The following LRRC4C variants were observed in gnomAD, a reference collection of about 807,000 sequenced individuals.
LRRC4C encodes the protein leucine rich repeat containing 4C, also known as leucine-rich repeat-containing protein 4C.
Under a neutral mutation model 33.6 loss-of-function variants are expected in LRRC4C, and 5 were observed. The observed-to-expected ratio is 0.15, with a 90% confidence interval of 0.08 to 0.31. The LOEUF (loss-of-function observed/expected upper bound fraction) is 0.31, where lower values mean the gene tolerates loss of function less well. Ranked by LOEUF, LRRC4C falls within the 10% of genes least tolerant of loss-of-function variation. The pLI is 1.00. For synonymous variants in LRRC4C, 329 were observed against 302.0 expected (o/e 1.09, Z -0.93); for missense variants, 560 against 796.7 (o/e 0.70, Z 3.58).
chr11:41,246,238 C>T (rs191883229), intron 1 of LRRC4C, among the ~76,000 whole-genome samples: 3 of 152,264 alleles, frequency 2.0e-5, no homozygotes, highest in South Asian at 2.1e-4. Context: ...CCAGGCTCAT[C>T]GGCACCCAAA....
At chr11:40,533,649 C>T (rs1956359277) in intron 3 of LRRC4C, among the ~76,000 whole-genome samples, 1 of 152,100 alleles carries the variant, frequency 6.6e-6, no homozygotes, top group South Asian at 2.1e-4. Context: ...TCATAAGGCT[C>T]ACCCTCTATT....
At chr11:40,702,155 T>C (rs981417764) in intron 2 of LRRC4C, among the ~76,000 whole-genome samples, 10 of 152,206 alleles carry the variant, frequency 6.6e-5, no homozygotes, top group African/African-American at 2.4e-4. Context: ...TTGAAAGCTG[T>C]TGATGGTCAC....
intron 5 of LRRC4C, among the ~76,000 whole-genome samples, chr11:40,203,461 C>T (rs575241094): frequency 1.3e-4 from 20 of 152,106 alleles, no homozygotes; most frequent in African/African-American, 2.4e-4. Flanking sequence ...TGCAAAAAAC[C>T]GAGGGGATGT....
At chr11:40,633,647 C>T (rs1251109433) in intron 3 of LRRC4C, among the ~76,000 whole-genome samples, 1 of 151,998 alleles carries the variant, frequency 6.6e-6, no homozygotes, top group Non-Finnish European at 1.5e-5. Flanking sequence ...ACCTTGGCCT[C>T]CCAAAGTGCT....
At chr11:40,688,043 G>A (rs1218368682) in intron 2 of LRRC4C, among the ~76,000 whole-genome samples, 1 of 151,692 alleles carries the variant, frequency 6.6e-6, no homozygotes. Flanking sequence ...ATAATGCCTG[G>A]CAATGAATGG....
chr11:40,877,079 G>C (rs545174172), intron 2 of LRRC4C, among the ~76,000 whole-genome samples: 1 of 151,972 alleles, frequency 6.6e-6, no homozygotes, highest in East Asian at 2.0e-4. Context: ...GTACTTTAAC[G>C]AGGTTGATAA....
chr11:41,350,324 C>A (rs1472691148), intron 1 of LRRC4C, among the ~76,000 whole-genome samples: 2 of 152,166 alleles, frequency 1.3e-5, no homozygotes, highest in Non-Finnish European at 2.9e-5. Flanking sequence ...TCCTGGCCAA[C>A]TGGGTGAAAC....
intron 4 of LRRC4C, among the ~76,000 whole-genome samples, chr11:40,263,325 G>C (rs1942003970): frequency 6.6e-6 from 1 of 151,484 alleles, no homozygotes; most frequent in African/African-American, 2.4e-5. Flanking sequence ...AAATTGGTAG[G>C]TTTTTCTTTG....
At chr11:40,668,853 G>T in intron 2 of LRRC4C, among the ~76,000 whole-genome samples, 1 of 152,140 alleles carries the variant, frequency 6.6e-6, no homozygotes, top group East Asian at 1.9e-4. Context: ...TAGAAACCAT[G>T]GGGCTAGATG....
chr11:40,242,231 G>A (rs937293858), intron 4 of LRRC4C, among the ~76,000 whole-genome samples: 2 of 152,176 alleles, frequency 1.3e-5, no homozygotes, highest in Non-Finnish European at 2.9e-5. Flanking sequence ...TACACAAAGA[G>A]TTGGTATGCA....
At chr11:41,041,933 G>A (rs1857463674) in intron 1 of LRRC4C, among the ~76,000 whole-genome samples, 1 of 152,014 alleles carries the variant, frequency 6.6e-6, no homozygotes. Context: ...TGATTTGTTG[G>A]CCTTCTGCAG....
chr11:41,005,818 A>C (rs949675017), intron 1 of LRRC4C, among the ~76,000 whole-genome samples: 13 of 152,172 alleles, frequency 8.5e-5, no homozygotes, highest in Admixed American at 2.6e-4. Flanking sequence ...TAAATTGCCC[A>C]GTCTCAAGTA....
At chr11:41,175,854 T>C (rs1157091161) in intron 1 of LRRC4C, among the ~76,000 whole-genome samples, 1 of 152,156 alleles carries the variant, frequency 6.6e-6, no homozygotes, top group African/African-American at 2.4e-5. Context: ...ATACAGAACA[T>C]TCATCATCCT....
At chr11:40,513,975 C>T (rs1040058752) in intron 3 of LRRC4C, among the ~76,000 whole-genome samples, 4 of 152,188 alleles carry the variant, frequency 2.6e-5, no homozygotes, top group African/African-American at 9.6e-5. Context: ...TCTCAGTTCT[C>T]TCAGAGAATC....
intron 1 of LRRC4C, among the ~76,000 whole-genome samples, chr11:41,074,446 C>T (rs1445411986): frequency 1.3e-5 from 2 of 152,154 alleles, no homozygotes; most frequent in African/African-American, 2.4e-5. Context: ...AATTATTGCT[C>T]ATCAGCATTT....
At chr11:41,022,423 T>G (rs1297154507) in intron 1 of LRRC4C, among the ~76,000 whole-genome samples, 5 of 151,892 alleles carry the variant, frequency 3.3e-5, no homozygotes, top group African/African-American at 1.2e-4. Flanking sequence ...GATTTGCCTT[T>G]TACATAGAAC....
chr11:40,277,491 T>C (rs926500635), intron 4 of LRRC4C, among the ~76,000 whole-genome samples: 1 of 151,762 alleles, frequency 6.6e-6, no homozygotes, highest in Non-Finnish European at 1.5e-5. Context: ...TAAAAAGCGG[T>C]GAGGTTAAGG....
intron 5 of LRRC4C, among the ~76,000 whole-genome samples, chr11:40,181,409 G>T (rs971590923): frequency 6.6e-6 from 1 of 152,138 alleles, no homozygotes; most frequent in Non-Finnish European, 1.5e-5. Flanking sequence ...CAAAGATAAG[G>T]CATACTGCAA....
chr11:40,477,584 T>C (rs1421508822), intron 3 of LRRC4C, among the ~76,000 whole-genome samples: 2 of 152,190 alleles, frequency 1.3e-5, no homozygotes, highest in Non-Finnish European at 2.9e-5. Flanking sequence ...CATTTGCTTA[T>C]GTTTAAATAT....
Sources: gnomAD v4.1 joint callset for allele counts (sites outside exome capture counted in the v4.1 genomes callset) on GRCh38, gnomAD v4.1.1 for gene constraint, MANE v1.5 for transcripts, NCBI Gene and HGNC (gene_info 2026-07-23, HGNC 2026-07-21) for gene names.